The following RGS7 variants were observed in gnomAD, a reference collection of about 807,000 sequenced individuals.
RGS7 encodes the protein regulator of G protein signaling 7, also known as regulator of G-protein signaling 7.
Under a neutral mutation model 81.1 loss-of-function variants are expected in RGS7, and 27 were observed. The observed-to-expected ratio is 0.33, with a 90% CI of 0.25 to 0.46. The LOEUF is 0.46. Among genes scored for constraint, RGS7 ranks in the 20% least tolerant of loss-of-function variants. The pLI, the probability that RGS7 is intolerant of heterozygous loss-of-function variation, is 1.00. For synonymous variants in RGS7, 208 were observed against 207.7 expected (o/e 1.00, Z -0.01); for missense variants, 396 against 607.4 (o/e 0.65, Z 3.66).
chr1:241,221,300 T>C (rs1194406836), intron 2 of RGS7, among the ~76,000 whole-genome samples: 1 of 152,206 alleles, frequency 6.6e-6, no homozygotes, highest in Non-Finnish European at 1.5e-5. Context: ...AAATCTATCA[T>C]TTAATGAGAG....
At chr1:241,099,097 A>G (rs1442894159) in intron 2 of RGS7, among the ~76,000 whole-genome samples, 2 of 152,224 alleles carry the variant, frequency 1.3e-5, no homozygotes, top group Admixed American at 1.3e-4. Flanking sequence ...GTCATAGCAC[A>G]TTCATGCTTC....
At chr1:241,019,560 T>C (rs1353562368) in intron 3 of RGS7, among the ~76,000 whole-genome samples, 1 of 151,806 alleles carries the variant, frequency 6.6e-6, no homozygotes, top group African/African-American at 2.4e-5. Flanking sequence ...CCTGTGTCCA[T>C]GTGTTCTCAT....
At chr1:241,301,270 T>G (rs966592465) in intron 2 of RGS7, among the ~76,000 whole-genome samples, 5 of 152,210 alleles carry the variant, frequency 3.3e-5, no homozygotes, top group African/African-American at 1.2e-4. Context: ...AAATGTAAAG[T>G]AATGCAATGA....
intron 2 of RGS7, among the ~76,000 whole-genome samples, chr1:241,183,961 G>C (rs146764766): frequency 1.8e-4 from 27 of 152,308 alleles, no homozygotes; most frequent in Admixed American, 7.8e-4. Flanking sequence ...GCAACACCCT[G>C]TTGGGCAGAT....
At chr1:240,892,518 T>A (rs1275248322) in intron 6 of RGS7, among the ~76,000 whole-genome samples, 2 of 152,208 alleles carry the variant, frequency 1.3e-5, no homozygotes, top group South Asian at 4.1e-4. Flanking sequence ...CCTACATTTT[T>A]CTTTCTTACT....
At chr1:241,283,911 T>A (rs1300981460) in intron 2 of RGS7, among the ~76,000 whole-genome samples, 1 of 152,210 alleles carries the variant, frequency 6.6e-6, no homozygotes, top group Non-Finnish European at 1.5e-5. Context: ...GATGAGCCAA[T>A]CCACTGAGCT....
intron 2 of RGS7, among the ~76,000 whole-genome samples, chr1:241,250,713 A>G (rs2076788359): frequency 6.6e-6 from 1 of 152,188 alleles, no homozygotes; most frequent in Non-Finnish European, 1.5e-5. Context: ...GAGTGTTTGC[A>G]CACCTGTCAA....
At chr1:240,809,525 T>C (rs1012357629) in intron 14 of RGS7, among the ~76,000 whole-genome samples, 2 of 152,164 alleles carry the variant, frequency 1.3e-5, no homozygotes, top group South Asian at 4.1e-4. Context: ...AGTAGCTTGG[T>C]ACTGGTTTGT....
chr1:241,000,772 C>T lies in RGS7; in HGVS notation c.176-17643G>A, dbSNP rs181887985. Among the ~76,000 whole-genome samples, 15 of 151,538 alleles carry T rather than the reference C, an allele frequency of 9.9e-5. No homozygotes were observed. In the East Asian group the frequency reaches 2.9e-3, roughly 29 times the overall value. ...AAGTGATTCTCATGCCTCAGCCTCC[C>T]GAGTAGCTGGGATTACAGGTGCGTG... On this transcript the variant is annotated intron_variant, in intron 3 of 18. Coordinates refer to ENST00000440928, the MANE Select transcript of RGS7 (RefSeq NM_001364886.1).
rs557600804 is a variant in RGS7, at chr1:241,302,297, C to T, written c.78+53402G>A. Among the ~76,000 whole-genome samples, 3 of 152,216 alleles carry T rather than the reference C, an allele frequency of 2.0e-5. No individual in the cohort carries two copies. The South Asian group carries it at 6.2e-4, about 32-fold the overall frequency. ...GGGCGCGGTGGCTTACGCCTGTAAT[C>T]CCAGCACTTTGGGAGGCCGAGGTGG... On this transcript the variant is annotated intron_variant, in intron 2 of 18. Transcript: ENST00000440928.
chr1:241,065,656 A>T (rs1263708270), intron 3 of RGS7, among the ~76,000 whole-genome samples: 1 of 152,216 alleles, frequency 6.6e-6, no homozygotes, highest in Non-Finnish European at 1.5e-5. Context: ...TCTCCTCTCT[A>T]TATTACTTAT....
intron 3 of RGS7, among the ~76,000 whole-genome samples, chr1:241,073,200 A>G (rs999517369): frequency 1.3e-5 from 2 of 152,034 alleles, no homozygotes; most frequent in Non-Finnish European, 2.9e-5. Flanking sequence ...TCTTTCATTC[A>G]TTATTTCCTT....
At chr1:241,120,125 C>T (rs1340848558) in intron 2 of RGS7, among the ~76,000 whole-genome samples, 1 of 152,178 alleles carries the variant, frequency 6.6e-6, no homozygotes, top group Non-Finnish European at 1.5e-5. Context: ...TGCCCATCCT[C>T]AATGCAATCC....
At chr1:241,090,673 C>T (rs1485398173) in intron 3 of RGS7, among the ~76,000 whole-genome samples, 1 of 152,096 alleles carries the variant, frequency 6.6e-6, no homozygotes, top group Non-Finnish European at 1.5e-5. Flanking sequence ...ACTCTTTCTC[C>T]TTCACTGGGT....
intron 3 of RGS7, among the ~76,000 whole-genome samples, chr1:241,022,064 T>G (rs1320015731): frequency 6.6e-6 from 1 of 152,184 alleles, no homozygotes; most frequent in African/African-American, 2.4e-5. Context: ...ACGATGACAA[T>G]ATTATCTGCC....
At chr1:241,116,558 A>C (rs6666211) in intron 2 of RGS7, among the ~76,000 whole-genome samples, 2 of 152,124 alleles carry the variant, frequency 1.3e-5, no homozygotes, top group African/African-American at 4.8e-5. Flanking sequence ...TATTTCCTAT[A>C]AGACTCCAAA....
intron 3 of RGS7, among the ~76,000 whole-genome samples, chr1:241,046,800 G>A (rs1228551115): frequency 6.6e-6 from 1 of 152,076 alleles, no homozygotes; most frequent in East Asian, 1.9e-4. Flanking sequence ...TTTTCTGCTT[G>A]TCCTTAGCCA....
At chr1:240,864,684 T>C (rs1477192974) in intron 9 of RGS7, among the ~76,000 whole-genome samples, 1 of 152,188 alleles carries the variant, frequency 6.6e-6, no homozygotes, top group East Asian at 1.9e-4. Context: ...AGAGGGGTCA[T>C]AGATTAGCAT....
At chr1:241,070,768 A>G (rs1423237517) in intron 3 of RGS7, among the ~76,000 whole-genome samples, 1 of 105,218 alleles carries the variant, frequency 9.5e-6, no homozygotes, top group Non-Finnish European at 1.9e-5. Flanking sequence ...GCCCAACAGA[A>G]GGCCACGTTT....
Sources: allele counts gnomAD v4.1 joint callset (sites outside exome capture counted in the v4.1 genomes callset), GRCh38; gene constraint gnomAD v4.1.1; transcripts MANE v1.5; gene names NCBI Gene and HGNC (gene_info 2026-07-23, HGNC 2026-07-21).